DOP1B: variants seen among roughly 807,000 people sequenced by gnomAD.
DOP1B encodes protein DOP1B.
In DOP1B, 174 loss-of-function variants were observed where a neutral mutation model predicts 233.5. The ratio of observed to expected loss-of-function variants is 0.75; its 90% CI spans 0.66 to 0.85. DOP1B has a LOEUF of 0.85. Among genes scored for constraint, DOP1B ranks in the 40% least tolerant of loss-of-function variants. The pLI, the probability that DOP1B is intolerant of heterozygous loss-of-function variation, is 0.00. For missense variants in DOP1B, 2,652 were observed against 2,846.6 expected, an observed-to-expected ratio of 0.93 and a Z score of 1.56; for synonymous variants, 1,190 against 1,185.6, an observed-to-expected ratio of 1.00 and a Z score of -0.08.
In DOP1B at chr21:36,174,912, A is replaced by G. The variant is rs140071657; in HGVS notation, c.138+10041A>G. 1.7e-3 allele frequency among the ~76,000 whole-genome samples: 257 copies of G among 152,332 alleles called. 2 individuals carry two copies. The highest frequency in any genetic ancestry group is 0.01 in the Middle Eastern group (3 of 294). On this transcript the variant is annotated intron_variant, in intron 2 of 36. Transcript: ENST00000691173. ...TCTGTGTTAGTCTGCTAGGGCTGCC[A>G]TAACAAAATACCACTGGCAGAGTGG...
intron 32 of DOP1B, among the ~76,000 whole-genome samples, chr21:36,284,633 A>G (rs1052698646): frequency 2.6e-5 from 4 of 151,996 alleles, no homozygotes; most frequent in Non-Finnish European, 4.4e-5. Context: ...AGATAGCTAA[A>G]TAGACAGCAT....
chr21:36,209,288 A>G (rs2066465183), intron 5 of DOP1B, among the ~76,000 whole-genome samples: 1 of 152,018 alleles, frequency 6.6e-6, no homozygotes. Context: ...TGCCCGGCTA[A>G]TTTTTGTGTT....
At chr21:36,165,537 A>G (rs2065902029) in intron 2 of DOP1B, among the ~76,000 whole-genome samples, 1 of 152,086 alleles carries the variant, frequency 6.6e-6, no homozygotes, top group African/African-American at 2.4e-5. Context: ...GCTGACCGGT[A>G]CCAGTCCGTG....
rs1243848109 is a variant in DOP1B at position 36,246,210 on chromosome 21, C to T, written c.4230C>T (p.Gly1410=). The change falls in exon 19 of 37, where the codon GGC becomes GGT. Residue 1410 remains glycine (G), a synonymous_variant. Coordinates refer to ENST00000691173, the MANE Select transcript of DOP1B (RefSeq NM_001320714.2). The surrounding 1 kb of genome is among the most constrained non-coding windows in gnomAD (Gnocchi z 5.1). ...ACGGGCTGGCCACCGCCCACCACGG[C>T]AGGGCCCTGCCAGAGGACAGCCTCT... is the stretch of plus-strand genomic sequence containing the variant. ...KRYGLATAHH[G]RALPEDSLFE... The T allele has an allele frequency of 6.2e-7, 1 of 1,613,784 alleles. No individual in the cohort carries two copies. The highest frequency in any genetic ancestry group is 2.2e-5 in the East Asian group (1 of 44,890).
chr21:36,227,585 A>G, intron 12 of DOP1B, 101 bp from the exon 13 acceptor site: 5 of 1,039,898 alleles, frequency 4.8e-6, no homozygotes, highest in Non-Finnish European at 6.8e-6. Flanking sequence ...TTAGTGTGAA[A>G]TTTATGCCCT....
intron 4 of DOP1B, among the ~76,000 whole-genome samples, chr21:36,201,559 G>T (rs879322862): frequency 1.1e-4 from 17 of 151,518 alleles, no homozygotes; most frequent in Non-Finnish European, 1.9e-4. Flanking sequence ...TGGCGGCCAG[G>T]CTGGTCTCAA....
At chr21:36,251,331 G>T (rs1293621620) in intron 22 of DOP1B, 47 bp downstream of exon 22, 2 of 1,583,300 alleles carry the variant, frequency 1.3e-6, no homozygotes, top group Admixed American at 3.7e-5. Flanking sequence ...CTGTGACAAA[G>T]AAATACCACA....
At chr21:36,232,747 G>A in intron 14 of DOP1B, 57 bp from the exon 15 acceptor site, 1 of 1,602,800 alleles carries the variant, frequency 6.2e-7, no homozygotes, top group Middle Eastern at 2.3e-4. Context: ...TGCAGACTGG[G>A]GACCCATTCT....
intron 2 of DOP1B, among the ~76,000 whole-genome samples, chr21:36,175,250 A>C (rs1055936534): frequency 1.6e-4 from 25 of 151,996 alleles, no homozygotes; most frequent in African/African-American, 5.3e-4. Context: ...AGCTGGGATT[A>C]CAGGTGCCTG....
intron 4 of DOP1B, 58 bp downstream of exon 4, chr21:36,200,559 G>A (rs118183027): frequency 0.052 from 78,680 of 1,524,128 alleles, 2,363 homozygotes; most frequent in Non-Finnish European, 0.057. Flanking sequence ...GACGCGGGGA[G>A]GGGGCCGGGC....
chr21:36,283,027 T>TG (rs796469508), intron 32 of DOP1B, among the ~76,000 whole-genome samples: 10 of 151,646 alleles, frequency 6.6e-5, no homozygotes, highest in African/African-American at 2.4e-4. Flanking sequence ...GTCAGGGTTT[T>TG]TTTTTTTTTT....
At chr21:36,256,142 A>T (rs1231756491) in intron 23 of DOP1B, among the ~76,000 whole-genome samples, 1 of 152,212 alleles carries the variant, frequency 6.6e-6, no homozygotes, top group Non-Finnish European at 1.5e-5. Context: ...TTAAAATCAT[A>T]CAGTTAGCAA....
At chr21:36,268,939 A>T (rs1218219119) in intron 26 of DOP1B, among the ~76,000 whole-genome samples, 1 of 152,124 alleles carries the variant, frequency 6.6e-6, no homozygotes, top group Non-Finnish European at 1.5e-5. Context: ...AAGTGCTGGG[A>T]TTACAGGCGT....
chr21:36,256,674 A>G (rs12627383), intron 23 of DOP1B, among the ~76,000 whole-genome samples: 21,971 of 151,256 alleles, frequency 0.15, 1,677 homozygotes, highest in South Asian at 0.27. Context: ...CACAACATGG[A>G]TGTCAGATCC....
At chr21:36,274,813 G>A (rs1042377247) in intron 27 of DOP1B, among the ~76,000 whole-genome samples, 2 of 151,366 alleles carry the variant, frequency 1.3e-5, no homozygotes, top group Non-Finnish European at 2.9e-5. Context: ...TAGCCAAGCA[G>A]AATTAAGGAC....
chr21:36,279,735 A>C (rs964401196), intron 30 of DOP1B, among the ~76,000 whole-genome samples: 2 of 152,336 alleles, frequency 1.3e-5, no homozygotes, highest in African/African-American at 4.8e-5. Flanking sequence ...GTGCCTTGTC[A>C]GTTTGTTTCT....
rs1225568245 is a variant in DOP1B at position 36,288,806 on chromosome 21, AT to A, written c.6350del (p.Leu2117Ter). ...EEDLKDEDESLRSTNKVNRTK... is the reference protein window; with the variant it reads ...EEDLKDEDESXRSTNKVNRTK... Reference sequence around the variant, plus strand: ...AAGATCTAAAAGATGAAGATGAGTCATTGAGGTAAGCAGTACAAGATCTGTA... The same window carrying A: ...AAGATCTAAAAGATGAAGATGAGTCATGAGGTAAGCAGTACAAGATCTGTA... On this transcript the variant is annotated frameshift_variant, in exon 34 of 37. Transcript: ENST00000691173. LOFTEE classifies it high-confidence loss of function. 1 of 1,613,002 alleles carries A rather than the reference AT, an allele frequency of 6.2e-7. No individual in the cohort carries two copies. The highest frequency in any genetic ancestry group is 1.7e-5 in the Admixed American group (1 of 59,970).
chr21:36,170,378 A>G (rs999395320), intron 2 of DOP1B: 2 of 226,592 alleles, frequency 8.8e-6, no homozygotes, highest in Non-Finnish European at 8.7e-6. Context: ...CCGGCAGATC[A>G]TGAGGTCAAA....
At position 36,208,805 on chromosome 21, in the gene DOP1B, C is replaced by G; in HGVS notation, c.582C>G (p.Ser194=). Residue 194 remains serine, a synonymous_variant, in exon 5 of 37, where the codon TCC becomes TCG. Coordinates refer to ENST00000691173, the MANE Select transcript of DOP1B (RefSeq NM_001320714.2). ...ALWGSVLASP[S]IRLPASVFVV... is the part of the protein sequence containing the mutation. The stretch of plus-strand genomic sequence containing the variant: ...GGGGGAGCGTCCTGGCCAGCCCGTC[C>G]ATCCGCCTCCCTGCCTCAGTCTTCG... The G allele has an allele frequency of 2.5e-6, 4 of 1,608,116 alleles. No individual in the cohort carries two copies. Among genetic ancestry groups the G allele is most frequent in the Non-Finnish European group, 3.4e-6 (4 of 1,177,184 alleles).
Sources: gnomAD v4.1 joint callset for allele counts (sites outside exome capture counted in the v4.1 genomes callset) on GRCh38, gnomAD v4.1.1 for gene constraint, Gnocchi (gnomAD v3.1) non-coding constraint, MANE v1.5 for transcripts, NCBI Gene and HGNC (gene_info 2026-07-23, HGNC 2026-07-21) for gene names.